The following GLIS3 variants were observed in gnomAD, a reference collection of about 807,000 sequenced individuals.
The protein encoded by GLIS3 is zinc finger protein GLIS3.
Under a neutral mutation model 78.6 loss-of-function variants are expected in GLIS3, and 53 were observed. The observed-to-expected ratio is 0.67, with a 90% CI of 0.54 to 0.85. GLIS3 has a LOEUF of 0.85. Among genes scored for constraint, GLIS3 ranks in the 40% least tolerant of loss-of-function variants. GLIS3 has a pLI of 0.00. For missense variants in GLIS3, 1,703 were observed against 1,231.1 expected, an observed-to-expected ratio of 1.38 and a Z score of -5.74; for synonymous variants, 684 against 509.9, an observed-to-expected ratio of 1.34 and a Z score of -4.60.
At chr9:3,897,036 C>A (rs1822896130) in intron 7 of GLIS3, among the ~76,000 whole-genome samples, 1 of 152,160 alleles carries the variant, frequency 6.6e-6, no homozygotes, top group Non-Finnish European at 1.5e-5. Flanking sequence ...CACTACCAGA[C>A]ATATAAAAAC....
chr9:4,228,192 AG>A (rs539717227), intron 2 of GLIS3, among the ~76,000 whole-genome samples: 108 of 114,326 alleles, frequency 9.4e-4, no homozygotes, highest in African/African-American at 4.1e-3. Context: ...GAGAAGTCTA[AG>A]GTGGCAAAAA....
the GLIS3 span, among the ~76,000 whole-genome samples, chr9:4,455,195 G>A: frequency 6.6e-6 from 1 of 152,178 alleles, no homozygotes; most frequent in East Asian, 1.9e-4. Context: ...TTTCACATCG[G>A]TGAGTCCATA....
chr9:4,204,639 C>A (rs72691834), intron 2 of GLIS3, among the ~76,000 whole-genome samples: 1 of 151,914 alleles, frequency 6.6e-6, no homozygotes, highest in Non-Finnish European at 1.5e-5. Context: ...GGAATCAGGC[C>A]GGGCACAGTG....
At chr9:4,437,420 G>GTATGTATGTATCTATCTATC in the GLIS3 span, among the ~76,000 whole-genome samples, 20 of 127,040 alleles carry the variant, frequency 1.6e-4, no homozygotes, top group African/African-American at 3.1e-4. Flanking sequence ...ATGTATGTAT[G>GTATGTATGTATCTATCTATC]TATCTATCTA....
chr9:4,144,176 C>T (rs572857617), intron 2 of GLIS3, among the ~76,000 whole-genome samples: 1 of 152,236 alleles, frequency 6.6e-6, no homozygotes, highest in Non-Finnish European at 1.5e-5. Context: ...TCTGACACCA[C>T]AGCGCAAGGA....
chr9:4,293,001 C>G (rs1816155585), intron 1 of GLIS3, among the ~76,000 whole-genome samples: 1 of 152,150 alleles, frequency 6.6e-6, no homozygotes, highest in East Asian at 1.9e-4. Flanking sequence ...ACAAAGGCTT[C>G]TTCTTCAGAA....
intron 4 of GLIS3, among the ~76,000 whole-genome samples, chr9:4,048,946 A>C (rs1241884946): frequency 6.6e-6 from 1 of 152,208 alleles, no homozygotes; most frequent in East Asian, 1.9e-4. Flanking sequence ...AGTCACCAAC[A>C]CGTGGCAGGA....
At chr9:4,295,796 G>T (rs768928551) in intron 1 of GLIS3, among the ~76,000 whole-genome samples, 27 of 152,324 alleles carry the variant, frequency 1.8e-4, no homozygotes, top group Non-Finnish European at 2.9e-4. Flanking sequence ...TTTGGCTTTT[G>T]TGTCAACTCT....
At chr9:4,016,409 T>C (rs1006419831) in intron 4 of GLIS3, among the ~76,000 whole-genome samples, 3 of 152,248 alleles carry the variant, frequency 2.0e-5, no homozygotes, top group African/African-American at 7.2e-5. Flanking sequence ...CTTTACTTTC[T>C]CATTTCTATT....
intron 2 of GLIS3, among the ~76,000 whole-genome samples, chr9:4,330,326 A>T (rs1285411506): frequency 6.6e-6 from 1 of 152,262 alleles, no homozygotes; most frequent in Non-Finnish European, 1.5e-5. Flanking sequence ...ACCCATCCAG[A>T]GTCTCTGATT....
At chr9:4,285,957 A>C (rs1204144747) in intron 2 of GLIS3, 81 bp downstream of exon 2, 3 of 1,520,294 alleles carry the variant, frequency 2.0e-6, no homozygotes, top group Non-Finnish European at 1.8e-6. Context: ...GTATTTTTCC[A>C]TAGGATTTGC....
intron 4 of GLIS3, among the ~76,000 whole-genome samples, chr9:4,076,745 T>C (rs1828095150): frequency 6.6e-6 from 1 of 152,190 alleles, no homozygotes; most frequent in African/African-American, 2.4e-5. Flanking sequence ...AAATATAATG[T>C]GACTTTCTTT....
At chr9:4,238,138 C>A (rs1187961223) in intron 2 of GLIS3, among the ~76,000 whole-genome samples, 1 of 152,200 alleles carries the variant, frequency 6.6e-6, no homozygotes, top group African/African-American at 2.4e-5. Flanking sequence ...GCAACTGGGA[C>A]TTCTCGTTCC....
At chr9:4,169,620 C>T (rs1428316419) in intron 2 of GLIS3, among the ~76,000 whole-genome samples, 1 of 152,104 alleles carries the variant, frequency 6.6e-6, no homozygotes, top group Non-Finnish European at 1.5e-5. Context: ...CACAGTTGTA[C>T]TGTAGTTAAG....
At chr9:4,277,698 A>G (rs1047571847) in intron 2 of GLIS3, among the ~76,000 whole-genome samples, 12 of 152,248 alleles carry the variant, frequency 7.9e-5, no homozygotes, top group African/African-American at 2.7e-4. Context: ...AACTCTTATA[A>G]TGAAAATCTT....
intron 2 of GLIS3, among the ~76,000 whole-genome samples, chr9:4,239,368 CT>C (rs981940988): frequency 0.016 from 2,276 of 146,506 alleles, 53 homozygotes; most frequent in African/African-American, 0.051. Context: ...ACGTTCACGA[CT>C]TTTTTTTTTT....
intron 7 of GLIS3, among the ~76,000 whole-genome samples, chr9:3,883,686 C>A (rs769028212): frequency 6.6e-6 from 1 of 152,160 alleles, no homozygotes; most frequent in South Asian, 2.1e-4. Context: ...ACAGGAGCAG[C>A]CTTCATTGTC....
intron 2 of GLIS3, among the ~76,000 whole-genome samples, chr9:4,173,740 G>A (rs907228922): frequency 1.3e-5 from 2 of 152,044 alleles, no homozygotes; most frequent in African/African-American, 2.4e-5. Flanking sequence ...GGAACTACAG[G>A]CATGTGCCAC....
chr9:4,455,263 C>T, the GLIS3 span, among the ~76,000 whole-genome samples: 1 of 152,138 alleles, frequency 6.6e-6, no homozygotes, highest in East Asian at 1.9e-4. Flanking sequence ...GATTGCCTTC[C>T]ATCTTACGGT....
Sources: gnomAD v4.1 joint callset for allele counts (sites outside exome capture counted in the v4.1 genomes callset) on GRCh38, gnomAD v4.1.1 for gene constraint, MANE v1.5 for transcripts, NCBI Gene and HGNC (gene_info 2026-07-23, HGNC 2026-07-21) for gene names.